FBXO43: variants seen among roughly 807,000 people sequenced by gnomAD.
FBXO43 encodes F-box protein 43.
In FBXO43, 22 loss-of-function variants were observed where a neutral mutation model predicts 56.7. The observed-to-expected ratio is 0.39, with a 90% CI of 0.28 to 0.55. FBXO43 has a LOEUF of 0.55. Ranked by LOEUF, FBXO43 falls within the 20% of genes least tolerant of loss-of-function variation. The pLI, the probability that FBXO43 is intolerant of heterozygous loss-of-function variation, is 0.66. For missense variants in FBXO43, 733 were observed against 814.9 expected, an observed-to-expected ratio of 0.90 and a Z score of 1.22; for synonymous variants, 306 against 294.5, an observed-to-expected ratio of 1.04 and a Z score of -0.40.
rs1814794847 is a variant in FBXO43 at position 100,145,254 on chromosome 8, T to A, written c.-119A>T. 1.6e-6 allele frequency: 1 copy of A among 638,898 alleles called. No homozygotes were observed. Among genetic ancestry groups the A allele is most frequent in the Admixed American group, 3.6e-5 (1 of 28,156 alleles). 39.6% of individuals were successfully genotyped at this position (638,898 alleles called of 1,614,324 possible). On this transcript the variant is annotated 5_prime_UTR_variant, in exon 1 of 5. Transcript: ENST00000428847. Reference sequence around the variant, plus strand: ...ACAGGGTGCATGCCGCAGGGATTATTCCTAACACTTGAGAAGGTCTAAATC... The same window carrying A: ...ACAGGGTGCATGCCGCAGGGATTATACCTAACACTTGAGAAGGTCTAAATC...
At position 100,145,080 on chromosome 8, in the gene FBXO43, A is replaced by G. The variant is rs1169496718; in HGVS notation, c.56T>C (p.Leu19Ser). 1.2e-6 allele frequency: 2 copies of G among 1,612,234 alleles called. No individual in the cohort carries two copies. The highest frequency in any genetic ancestry group is 2.2e-5 in the South Asian group (2 of 90,842). The part of the protein sequence containing the change: ...RISCLEAYVT[L>S]TSKSSRFTDE... ...AGTAAATCTTGAGCTCTTAGATGTC[A>G]AAGTTACGTAGGCTTCCAAACAAGA... is the stretch of plus-strand genomic sequence containing the variant. Residue 19 changes from leucine (L) to serine (S), a missense_variant, in exon 1 of 5, where the codon TTG (leucine) becomes TCG (serine). Transcript: ENST00000428847.
In FBXO43 at chr8:100,141,956, C is replaced by G. The variant is rs1814671098; in HGVS notation, c.298G>C (p.Gly100Arg). The G allele has an allele frequency of 6.2e-7, 1 of 1,604,980 alleles. No individual in the cohort carries two copies. Among genetic ancestry groups the G allele is most frequent in the African/African-American group, 1.3e-5 (1 of 74,370 alleles). ...GGGTGCTCATAGAGTAATGTTGGGC[C>G]TTTTTCTTTCTTTCCAAGATATTCT... Reference protein sequence around the residue: ...DKEYLGKKEKGPTLLYEHPET... With the variant: ...DKEYLGKKEKRPTLLYEHPET... The change falls in exon 2 of 5, where the codon GGC becomes CGC. Residue 100 changes from glycine (G) to arginine (R), a missense_variant. Transcript: ENST00000428847.
chr8:100,136,833 C>T (rs967241849), intron 3 of FBXO43: 1 of 152,210 alleles, frequency 6.6e-6, no homozygotes, highest in African/African-American at 2.4e-5. Context: ...CTATATCACC[C>T]TCAAGGTGTG....
chr8:100,137,626 T>C lies in FBXO43; in HGVS notation c.1613A>G (p.Gln538Arg), dbSNP rs1335964231. 1 of 1,613,086 alleles carries C rather than the reference T, an allele frequency of 6.2e-7. No individual in the cohort carries two copies. The highest frequency in any genetic ancestry group is 1.3e-5 in the African/African-American group (1 of 74,900). Reference sequence around the variant, plus strand: ...CCTCCTCCGATTTGCATTTTTATCTTGAACAACAATTTCACGCCAATTTCT... The same window carrying C: ...CCTCCTCCGATTTGCATTTTTATCTCGAACAACAATTTCACGCCAATTTCT... ...VSRNWREIVVQDKNANRRRKF... is the reference protein window; with the variant it reads ...VSRNWREIVVRDKNANRRRKF... The change falls in exon 3 of 5, where the codon CAA (glutamine) becomes CGA (arginine). Residue 538 changes from glutamine to arginine, a missense_variant. Coordinates refer to ENST00000428847, the MANE Select transcript of FBXO43 (RefSeq NM_001029860.4).
In FBXO43 at chr8:100,141,072, T is replaced by TGACTGCG; in HGVS notation, c.1175_1181dup (p.Glu395AlafsTer14). On this transcript the variant is annotated frameshift_variant, in exon 2 of 5. Coordinates refer to ENST00000428847, the MANE Select transcript of FBXO43 (RefSeq NM_001029860.4). LOFTEE classifies it high-confidence loss of function. ...CAATCTGCTTTTCCTCTTCTGTCTC[T>TGACTGCG]GACTGCGAGCTTTGTTCCCGAAGGG... 6.2e-7 allele frequency: 1 copy of TGACTGCG among 1,614,220 alleles called. No individual in the cohort carries two copies. The highest frequency in any genetic ancestry group is 8.5e-7 in the Non-Finnish European group (1 of 1,180,032).
chr8:100,141,703 A>G lies in FBXO43; in HGVS notation c.551T>C (p.Ile184Thr). 6.2e-7 allele frequency: 1 copy of G among 1,610,900 alleles called. No homozygotes were observed. Among genetic ancestry groups the G allele is most frequent in the South Asian group, 1.1e-5 (1 of 90,672 alleles). Residue 184 changes from isoleucine to threonine, a missense_variant, in exon 2 of 5, where the codon ATC (isoleucine) becomes ACC (threonine). Transcript: ENST00000428847. ...GCTTGGAATATTTTTTTCTAAGTTGATAACTTGGCTTATACTACTTTCTAA... is the reference window on the plus strand; with the variant it reads ...GCTTGGAATATTTTTTTCTAAGTTGGTAACTTGGCTTATACTACTTTCTAA... The part of the protein sequence containing the change: ...SSLESSISQV[I>T]NLEKNIPSSA...
In FBXO43 at chr8:100,141,141, G is replaced by T; in HGVS notation, c.1113C>A (p.Thr371=). The T allele has an allele frequency of 6.2e-7, 1 of 1,614,132 alleles. No homozygotes were observed. Among genetic ancestry groups the T allele is most frequent in the Non-Finnish European group, 8.5e-7 (1 of 1,180,018 alleles). Residue 371 remains threonine, a synonymous_variant, in exon 2 of 5, where the codon ACC becomes ACA. Transcript: ENST00000428847. ...KHKGTPKVGD[T]IRKTRHLGRS... ...TTCCAAGATGTCTTGTCTTTCTTATGGTGTCCCCAACTTTGGGAGTCCCCT... is the reference window on the plus strand; with the variant it reads ...TTCCAAGATGTCTTGTCTTTCTTATTGTGTCCCCAACTTTGGGAGTCCCCT...
At position 100,140,843 on chromosome 8, in the gene FBXO43, C is replaced by T. The variant is rs1215477131; in HGVS notation, c.1411G>A (p.Asp471Asn). ...NSGHEFLEQG[D>N]GEKIAVLQCI... ...TGCAGTACAGCTATTTTCTCCCCATCCCCTTGCTCTAAGAATTCATGTCCA... is the reference window on the plus strand; with the variant it reads ...TGCAGTACAGCTATTTTCTCCCCATTCCCTTGCTCTAAGAATTCATGTCCA... Residue 471 changes from aspartate to asparagine, a missense_variant, in exon 2 of 5, where the codon GAT becomes AAT. Asp to Asn is a conservative substitution (Grantham distance 23, BLOSUM62 1). Transcript: ENST00000428847. 1.2e-6 allele frequency: 2 copies of T among 1,614,234 alleles called. No homozygotes were observed. The highest frequency in any genetic ancestry group is 1.3e-5 in the African/African-American group (1 of 75,066).
upstream of FBXO43, among the ~76,000 whole-genome samples, chr8:100,146,892 C>T (rs1471565637): frequency 2.0e-5 from 3 of 152,302 alleles, no homozygotes; most frequent in South Asian, 2.1e-4. Flanking sequence ...CTGTCACGCA[C>T]GCTGGAGTGC....
Position 100,133,995 on chromosome 8 carries a change from G to T in FBXO43, c.1934C>A (p.Ser645Tyr), listed in dbSNP as rs1212495382. ...EALKPCPRCQ[S>Y]PAKYQPYKKR... The stretch of plus-strand genomic sequence containing the variant: ...CTTATATGGCTGGTACTTAGCAGGG[G>T]ACTGGCACCTTGGGCAAGGTTTTAA... The change falls in exon 5 of 5, where the codon TCC (serine) becomes TAC (tyrosine). Residue 645 changes from serine to tyrosine, a missense_variant. Coordinates refer to ENST00000428847, the MANE Select transcript of FBXO43 (RefSeq NM_001029860.4). 1.9e-6 allele frequency: 3 copies of T among 1,614,080 alleles called. No individual in the cohort carries two copies. Among genetic ancestry groups the T allele is most frequent in the African/African-American group, 2.7e-5 (2 of 74,916 alleles).
chr8:100,146,370 G>A (rs1814831580), upstream of FBXO43, among the ~76,000 whole-genome samples: 1 of 152,164 alleles, frequency 6.6e-6, no homozygotes, highest in Non-Finnish European at 1.5e-5. Flanking sequence ...ACAGAGGTGG[G>A]AGGATCACTT....
chr8:100,140,746 T>A lies in FBXO43; in HGVS notation c.1508A>T (p.Tyr503Phe). 1 of 1,613,414 alleles carries A rather than the reference T, an allele frequency of 6.2e-7. No individual in the cohort carries two copies. Among genetic ancestry groups the A allele is most frequent in the Non-Finnish European group, 8.5e-7 (1 of 1,179,676 alleles). The change falls in exon 2 of 5, where the codon TAT (tyrosine) becomes TTT (phenylalanine). Residue 503 changes from tyrosine to phenylalanine, a missense_variant. By Grantham distance (22) the Tyr-to-Phe change is conservative. Coordinates refer to ENST00000428847, the MANE Select transcript of FBXO43 (RefSeq NM_001029860.4). ...AGCAAGAATATGCTTTAAATTTCTA[T>A]ATTTTAATTCTGTTAAGATGTCCAG... ...EKLDILTELK[Y>F]RNLKHILAMV...
upstream of FBXO43, among the ~76,000 whole-genome samples, chr8:100,146,421 AC>A (rs1814832794): frequency 6.6e-6 from 1 of 152,122 alleles, no homozygotes; most frequent in African/African-American, 2.4e-5. Flanking sequence ...ACATAGTGAG[AC>A]CCCCATCTCA....
intron 3 of FBXO43, 40 bp from the exon 4 acceptor site, chr8:100,134,404 A>G (rs767429717): frequency 1.3e-6 from 2 of 1,552,002 alleles, no homozygotes; most frequent in Non-Finnish European, 1.8e-6. Flanking sequence ...TGCAATACCA[A>G]AACAGTTCCG....
Position 100,133,848 on chromosome 8 carries a change from G to A in FBXO43, c.2081C>T (p.Ala694Val). The A allele has an allele frequency of 1.9e-6, 3 of 1,614,164 alleles. No individual in the cohort carries two copies. The South Asian group carries it at 3.3e-5, about 18-fold the overall frequency. ...GAAKPRNRKD[A>V]LPGSAQSKRN... Reference sequence around the variant, plus strand: ...CTTACTCTGGGCACTTCCTGGGAGAGCATCTTTTCTATTTCTTGGCTTTGC... The same window carrying A: ...CTTACTCTGGGCACTTCCTGGGAGAACATCTTTTCTATTTCTTGGCTTTGC... Residue 694 changes from alanine to valine, a missense_variant, in exon 5 of 5, where the codon GCT becomes GTT. Physicochemically the swap from Ala to Val is moderately conservative, Grantham distance 64. Coordinates refer to ENST00000428847, the MANE Select transcript of FBXO43 (RefSeq NM_001029860.4).
At chr8:100,139,023 A>T (rs1814559286) in intron 2 of FBXO43, among the ~76,000 whole-genome samples, 1 of 152,218 alleles carries the variant, frequency 6.6e-6, no homozygotes, top group South Asian at 2.1e-4. Context: ...TCTTGATCAA[A>T]TCTATTCCAG....
Position 100,141,040 on chromosome 8 carries a change from G to T in FBXO43, c.1214C>A (p.Pro405His). Residue 405 changes from proline to histidine, a missense_variant, in exon 2 of 5, where the codon CCT becomes CAT. Physicochemically the swap from Pro to His is moderately conservative, Grantham distance 77 (BLOSUM62 -2). Coordinates refer to ENST00000428847, the MANE Select transcript of FBXO43 (RefSeq NM_001029860.4). ...AGCTGCTGCTCTTTTTTCAGAGTCA[G>T]GGTGGACAATCTGCTTTTCCTCTTC... Reference protein sequence around the residue: ...ETEEEKQIVHPDSEKRAAAAS... With the variant: ...ETEEEKQIVHHDSEKRAAAAS... The T allele has an allele frequency of 6.2e-7, 1 of 1,614,222 alleles. No individual in the cohort carries two copies. Among genetic ancestry groups the T allele is most frequent in the Non-Finnish European group, 8.5e-7 (1 of 1,180,036 alleles).
In FBXO43 at chr8:100,140,985, A is replaced by G; in HGVS notation, c.1269T>C (p.Ser423=). 1.2e-6 allele frequency: 2 copies of G among 1,614,102 alleles called. No homozygotes were observed. Among genetic ancestry groups the G allele is most frequent in the Non-Finnish European group, 1.7e-6 (2 of 1,180,006 alleles). Residue 423 remains serine, a synonymous_variant, in exon 2 of 5, where the codon AGT becomes AGC. Coordinates refer to ENST00000428847, the MANE Select transcript of FBXO43 (RefSeq NM_001029860.4). ...AASAISEGQL[S]SDESGDLTFS... ...AGGTCAAATCCCCACTCTCATCACT[A>G]CTCAGCTGACCCTCTGAGATGGCAG...
chr8:100,144,907 G>A, intron 1 of FBXO43, 144 bp downstream of exon 1: 1 of 993,466 alleles, frequency 1.0e-6, no homozygotes, highest in Non-Finnish European at 1.4e-6. Flanking sequence ...ACTCCAGCCT[G>A]GGCGACAGAG....
Sources: allele counts gnomAD v4.1 joint callset (sites outside exome capture counted in the v4.1 genomes callset), GRCh38; gene constraint gnomAD v4.1.1; transcripts MANE v1.5; gene names NCBI Gene and HGNC (gene_info 2026-07-23, HGNC 2026-07-21).